LRRC37A2: variants seen among roughly 807,000 people sequenced by gnomAD.
LRRC37A2 encodes leucine rich repeat containing 37 member A2.
LRRC37A2 carries 9 observed loss-of-function variants against 68.8 expected under a neutral mutation model. The observed-to-expected ratio is 0.13, with a 90% CI of 0.08 to 0.23. The LOEUF is 0.23. Among genes scored for constraint, LRRC37A2 ranks in the 10% least tolerant of loss-of-function variants. The pLI is 1.00. For missense variants in LRRC37A2, 168 were observed against 950.4 expected, an observed-to-expected ratio of 0.18 and a Z score of 10.82; for synonymous variants, 63 against 367.6, an observed-to-expected ratio of 0.17 and a Z score of 9.48.
At chr17:46,876,769 C>T in the LRRC37A2 span, 28 of 1,489,454 alleles carry the variant, frequency 1.9e-5, no homozygotes, top group Non-Finnish European at 2.5e-5. Context: ...CCTGTGGCAC[C>T]CTTCAAGCTG....
chr17:46,887,877 A>T, the LRRC37A2 span, among the ~76,000 whole-genome samples: 5 of 152,192 alleles, frequency 3.3e-5, no homozygotes, highest in Non-Finnish European at 7.4e-5. Context: ...GCAATTAGTG[A>T]GACAGGCGGA....
the LRRC37A2 span, among the ~76,000 whole-genome samples, chr17:46,716,994 G>GT: frequency 1.3e-5 from 2 of 152,000 alleles, no homozygotes; most frequent in Middle Eastern, 3.4e-3. Context: ...TTGTTTCCAG[G>GT]TTTTTTTCAC....
At chr17:47,032,354 T>A in the LRRC37A2 span, among the ~76,000 whole-genome samples, 49 of 150,090 alleles carry the variant, frequency 3.3e-4, 1 homozygote, top group African/African-American at 1.2e-3. Flanking sequence ...TATTATCATT[T>A]CTATTTTGCA....
chr17:46,720,331 G>A, the LRRC37A2 span, among the ~76,000 whole-genome samples: 2 of 152,254 alleles, frequency 1.3e-5, no homozygotes, highest in African/African-American at 2.4e-5. Context: ...TCTCTTTGGC[G>A]TAGAAAGGAG....
chr17:46,837,960 G>C, the LRRC37A2 span, among the ~76,000 whole-genome samples: 1 of 152,162 alleles, frequency 6.6e-6, no homozygotes, highest in African/African-American at 2.4e-5. Flanking sequence ...CTTCATGGGT[G>C]GGTGGCGTTT....
chr17:46,991,267 ACTT>A, the LRRC37A2 span, among the ~76,000 whole-genome samples: 2 of 152,158 alleles, frequency 1.3e-5, no homozygotes, highest in Non-Finnish European at 2.9e-5. Flanking sequence ...CAACAGAATG[ACTT>A]CTTATCTGTT....
At chr17:46,575,369 T>A in the LRRC37A2 span, among the ~76,000 whole-genome samples, 1 of 151,966 alleles carries the variant, frequency 6.6e-6, no homozygotes, top group East Asian at 1.9e-4. Flanking sequence ...AAGCAGTTGG[T>A]TTGAGCCAGA....
chr17:46,846,626 G>A, the LRRC37A2 span, among the ~76,000 whole-genome samples: 1 of 152,248 alleles, frequency 6.6e-6, no homozygotes, highest in Non-Finnish European at 1.5e-5. Flanking sequence ...TGGGTGGGGG[G>A]CCACCAAAGG....
At chr17:46,824,217 C>T in the LRRC37A2 span, among the ~76,000 whole-genome samples, 1 of 152,164 alleles carries the variant, frequency 6.6e-6, no homozygotes, top group Non-Finnish European at 1.5e-5. Context: ...TCCAGCATAG[C>T]CCTGACACTG....
At chr17:46,745,225 C>A in the LRRC37A2 span, among the ~76,000 whole-genome samples, 3 of 152,214 alleles carry the variant, frequency 2.0e-5, no homozygotes, top group African/African-American at 7.2e-5. Context: ...CAATGTATCA[C>A]TTTAATATAT....
the LRRC37A2 span, among the ~76,000 whole-genome samples, chr17:46,724,724 A>C: frequency 6.6e-6 from 1 of 152,216 alleles, no homozygotes; most frequent in Non-Finnish European, 1.5e-5. Context: ...TATCCTCTGC[A>C]GTGCCTTCAT....
the LRRC37A2 span, among the ~76,000 whole-genome samples, chr17:46,479,535 T>G: frequency 9.6e-6 from 1 of 104,320 alleles, no homozygotes; most frequent in African/African-American, 3.4e-5. Flanking sequence ...TGAAACAGAG[T>G]CTTACTCTGT....
chr17:46,385,157 C>G, the LRRC37A2 span, among the ~76,000 whole-genome samples: 2 of 104,814 alleles, frequency 1.9e-5, 1 homozygote, highest in Non-Finnish European at 4.3e-5. Flanking sequence ...TTTAATTATC[C>G]TATTTTTCTC....
chr17:46,711,398 T>A, the LRRC37A2 span, among the ~76,000 whole-genome samples: 1 of 152,242 alleles, frequency 6.6e-6, no homozygotes, highest in African/African-American at 2.4e-5. Context: ...TTAGCCTCAA[T>A]TCAATTAAAT....
the LRRC37A2 span, among the ~76,000 whole-genome samples, chr17:46,795,670 C>A: frequency 6.6e-6 from 1 of 152,346 alleles, no homozygotes; most frequent in East Asian, 1.9e-4. Context: ...AAGCCCAGTT[C>A]CGGAGCACCC....
At chr17:46,542,548 A>G (rs1206847237) in intron 8 of LRRC37A2, among the ~76,000 whole-genome samples, 1 of 148,508 alleles carries the variant, frequency 6.7e-6, no homozygotes, top group Non-Finnish European at 1.5e-5. Context: ...TATATAAATC[A>G]GCCAGGTGTG....
At chr17:46,823,996 T>C in the LRRC37A2 span, among the ~76,000 whole-genome samples, 1 of 152,186 alleles carries the variant, frequency 6.6e-6, no homozygotes, top group Non-Finnish European at 1.5e-5. Context: ...TAAGCCTCTC[T>C]CTCAGGTCTC....
the LRRC37A2 span, among the ~76,000 whole-genome samples, chr17:46,850,507 C>T: frequency 6.6e-6 from 1 of 152,290 alleles, no homozygotes; most frequent in South Asian, 2.1e-4. Flanking sequence ...GCCAAGGTCG[C>T]AGTCACTTGA....
the LRRC37A2 span, among the ~76,000 whole-genome samples, chr17:46,905,121 G>C: frequency 6.6e-6 from 1 of 151,832 alleles, no homozygotes; most frequent in African/African-American, 2.4e-5. Context: ...GCCCAGGCTG[G>C]AGTGCAATGG....
Sources: allele counts gnomAD v4.1 joint callset (sites outside exome capture counted in the v4.1 genomes callset), GRCh38; gene constraint gnomAD v4.1.1; transcripts MANE v1.5; gene names NCBI Gene and HGNC (gene_info 2026-07-23, HGNC 2026-07-21).